Variants in THEM4 observed in about 807,000 individuals in gnomAD.
THEM4 encodes acyl-coenzyme A thioesterase THEM4.
A neutral mutation model predicts 25.0 loss-of-function variants in THEM4; 22 were observed. That is an observed-to-expected ratio of 0.88 (90% CI 0.63 to 1.26). THEM4 has a LOEUF of 1.26. Ranked by LOEUF, THEM4 falls within the 50% of genes most tolerant of loss-of-function variation. The probability of loss-of-function intolerance (pLI) is 0.00; values close to 1 mark genes in which losing one functional copy is unlikely to be tolerated. For missense variants in THEM4, 286 were observed against 300.3 expected, an observed-to-expected ratio of 0.95 and a Z score of 0.35; for synonymous variants, 113 against 105.6, an observed-to-expected ratio of 1.07 and a Z score of -0.43.
intron 4 of THEM4, among the ~76,000 whole-genome samples, chr1:151,886,997 T>C (rs1035380904): frequency 7.2e-5 from 11 of 152,286 alleles, no homozygotes; most frequent in African/African-American, 2.4e-4. Context: ...ACTTTGTATA[T>C]AGAAAATCCT....
rs750237645 is a variant in THEM4, at chr1:151,888,330, C to CACAT, written c.496_499dup (p.Cys167TyrfsTer20). 15 of 1,613,604 alleles carry CACAT rather than the reference C, an allele frequency of 9.3e-6. No individual in the cohort carries two copies. Among genetic ancestry groups the CACAT allele is most frequent in the Non-Finnish European group, 9.3e-6 (11 of 1,179,824 alleles). Reference sequence around the variant, plus strand: ...GACGATTCCCCCAGCCATCATTGCACACATACCAACAGTAGCATCAATCAT... The same window carrying CACAT: ...GACGATTCCCCCAGCCATCATTGCACACATACATACCAACAGTAGCATCAATCAT... On this transcript the variant is annotated frameshift_variant, in exon 4 of 6. Coordinates refer to ENST00000368814, the MANE Select transcript of THEM4 (RefSeq NM_053055.5). LOFTEE classifies it high-confidence loss of function.
intron 5 of THEM4, 37 bp from the exon 6 acceptor site, chr1:151,874,965 A>C (rs777375042): frequency 6.6e-7 from 1 of 1,521,082 alleles, no homozygotes; most frequent in Non-Finnish European, 9.1e-7. Context: ...ATTATATGTC[A>C]ACTGACTTCA....
At position 151,872,601 on chromosome 1, in the gene THEM4, T is replaced by C. The variant is rs931285927; in HGVS notation, c.*2287A>G. On this transcript the variant is annotated 3_prime_UTR_variant, in exon 6 of 6. Transcript: ENST00000368814. ...TTGATCTGTTCTAAGAAAATTGCTT[T>C]GCCTTGAGATGCTGTTAATCTGTAA... 1.3e-5 allele frequency among the ~76,000 whole-genome samples: 2 copies of C among 152,202 alleles called. No homozygotes were observed. The highest frequency in any genetic ancestry group is 2.9e-5 in the Non-Finnish European group (2 of 68,028).
At chr1:151,876,764 G>T (rs1017530956) in intron 5 of THEM4, among the ~76,000 whole-genome samples, 5 of 152,016 alleles carry the variant, frequency 3.3e-5, no homozygotes, top group Non-Finnish European at 7.4e-5. Context: ...TTTGATAGCT[G>T]TTGGCAACTT....
intron 3 of THEM4, 60 bp downstream of exon 3, chr1:151,889,154 C>G: frequency 1.4e-6 from 2 of 1,451,496 alleles, no homozygotes; most frequent in African/African-American, 2.8e-5. Context: ...GTACAGGACA[C>G]ATGGGGGCAG....
chr1:151,894,743 G>A (rs1364786981), intron 2 of THEM4: 3 of 592,054 alleles, frequency 5.1e-6, no homozygotes, highest in Admixed American at 3.2e-5. Context: ...TTGTAGGAGG[G>A]TGGAAGCTCT....
intron 4 of THEM4, 84 bp from the exon 5 acceptor site, chr1:151,877,209 G>T: frequency 7.1e-7 from 1 of 1,413,542 alleles, no homozygotes; most frequent in Non-Finnish European, 9.5e-7. Context: ...CATGACAAGG[G>T]ATAGAAATTT....
rs1653631699 is a variant in THEM4 at position 151,874,641 on chromosome 1, C to G, written c.*247G>C. On this transcript the variant is annotated 3_prime_UTR_variant, in exon 6 of 6. Coordinates refer to ENST00000368814, the MANE Select transcript of THEM4 (RefSeq NM_053055.5). The stretch of plus-strand genomic sequence containing the variant: ...CCGCCTGCCTCGGCCTCCTAAAGTG[C>G]TGGGATTATAGGTGTGAGCCACAGC... 10 of 545,844 alleles carry G rather than the reference C, an allele frequency of 1.8e-5. No individual in the cohort carries two copies. In the South Asian group the frequency reaches 2.4e-4, roughly 13 times the overall value. The allele number at this position is 545,844 out of a possible 1,614,324, so 33.8% of individuals were successfully genotyped here.
At chr1:151,879,659 C>CTTTTTTTTTTTTTT in intron 4 of THEM4, among the ~76,000 whole-genome samples, 1 of 135,402 alleles carries the variant, frequency 7.4e-6, no homozygotes, top group Non-Finnish European at 1.6e-5. Flanking sequence ...CTTTTCTTTT[C>CTTTTTTTTTTTTTT]TTTTTTTTTT....
At chr1:151,874,971 C>T in intron 5 of THEM4, 43 bp from the exon 6 acceptor site, 1 of 1,488,558 alleles carries the variant, frequency 6.7e-7, no homozygotes, top group Non-Finnish European at 9.4e-7. Context: ...TGTCAACTGA[C>T]TTCAATTTGA....
chr1:151,898,267 C>T (rs1465844720), intron 1 of THEM4, among the ~76,000 whole-genome samples: 11 of 152,154 alleles, frequency 7.2e-5, no homozygotes, highest in South Asian at 2.1e-4. Flanking sequence ...GGAGTGAGAC[C>T]GGCCCTTCGG....
chr1:151,897,338 T>TC (rs1483547274), intron 1 of THEM4, among the ~76,000 whole-genome samples: 3 of 152,186 alleles, frequency 2.0e-5, no homozygotes, highest in African/African-American at 7.2e-5. Flanking sequence ...AGGGGCTGGC[T>TC]CCAATGCTGG....
intron 1 of THEM4, among the ~76,000 whole-genome samples, chr1:151,900,333 CAAT>C (rs1446605927): frequency 6.6e-6 from 1 of 152,084 alleles, no homozygotes; most frequent in Non-Finnish European, 1.5e-5. Flanking sequence ...CCTCACATTT[CAAT>C]AATAACATTG....
chr1:151,888,629 A>G (rs1654020621), intron 3 of THEM4, among the ~76,000 whole-genome samples: 1 of 152,244 alleles, frequency 6.6e-6, no homozygotes, highest in Non-Finnish European at 1.5e-5. Context: ...GATCGCAAGC[A>G]AGCAAAAAGC....
At chr1:151,907,297 G>A (rs1158727585) in intron 1 of THEM4, among the ~76,000 whole-genome samples, 2 of 152,134 alleles carry the variant, frequency 1.3e-5, no homozygotes, top group East Asian at 1.9e-4. Context: ...CGGACATGCC[G>A]CCTTTAAGAA....
Position 151,873,262 on chromosome 1 carries a change from C to T in THEM4, c.*1626G>A, listed in dbSNP as rs893519722. Among the ~76,000 whole-genome samples, 1 of 152,196 alleles carries T rather than the reference C, an allele frequency of 6.6e-6. No homozygotes were observed. Among genetic ancestry groups the T allele is most frequent in the Admixed American group, 6.5e-5 (1 of 15,282 alleles). On this transcript the variant is annotated 3_prime_UTR_variant, in exon 6 of 6. Coordinates refer to ENST00000368814, the MANE Select transcript of THEM4 (RefSeq NM_053055.5). Reference sequence around the variant, plus strand: ...GATTTTCCTGCTGACCTTCTCCCCACTATCACCCTGTTCTCCTGCTGCATT... The same window carrying T: ...GATTTTCCTGCTGACCTTCTCCCCATTATCACCCTGTTCTCCTGCTGCATT...
chr1:151,902,556 T>A (rs1654374337), intron 1 of THEM4, among the ~76,000 whole-genome samples: 1 of 152,174 alleles, frequency 6.6e-6, no homozygotes, highest in Non-Finnish European at 1.5e-5. Flanking sequence ...TGTATAATGC[T>A]CAGGTGATGG....
rs547731693 is a variant in THEM4 at position 151,871,379 on chromosome 1, G to A, written c.*3509C>T. On this transcript the variant is annotated 3_prime_UTR_variant, in exon 6 of 6. Transcript: ENST00000368814. ...AAAGAAAGGAAAAAGAAGGAAACAG[G>A]AAATGAGGAATAGTTCCATTAGGTC... is the stretch of plus-strand genomic sequence containing the variant. Among the ~76,000 whole-genome samples, 26 of 151,654 alleles carry A rather than the reference G, an allele frequency of 1.7e-4. 1 individual carries two copies. The highest frequency in any genetic ancestry group is 5.8e-4 in the African/African-American group (24 of 41,356).
rs11304399 is a variant in THEM4 at position 151,871,325 on chromosome 1, GAAAAAAAA to G, written c.*3555_*3562del. ...AGGCGACAGAGCCAGACCCTGTCTT[GAAAAAAAA>G]AAAAAAAAAAGAAAAAGAAAAAAGA... On this transcript the variant is annotated 3_prime_UTR_variant, in exon 6 of 6. Transcript: ENST00000368814. 2.4e-5 allele frequency among the ~76,000 whole-genome samples: 3 copies of G among 123,732 alleles called. No homozygotes were observed. Among genetic ancestry groups the G allele is most frequent in the African/African-American group, 3.1e-5 (1 of 32,428 alleles). 81.2% of individuals were successfully genotyped at this position (123,732 alleles called of 152,430 possible). A position where few individuals can be genotyped will look rare whatever the true frequency, so the allele number is the denominator to read the frequency against.
Sources: gnomAD v4.1 joint callset for allele counts (sites outside exome capture counted in the v4.1 genomes callset) on GRCh38, gnomAD v4.1.1 for gene constraint, MANE v1.5 for transcripts, NCBI Gene and HGNC (gene_info 2026-07-23, HGNC 2026-07-21) for gene names.